The following NKAIN2 variants were observed in gnomAD, a reference collection of about 807,000 sequenced individuals.
NKAIN2 encodes the protein sodium/potassium-transporting ATPase subunit beta-1-interacting protein 2.
In NKAIN2, 14 loss-of-function variants were observed where a neutral mutation model predicts 32.6. That is an observed-to-expected ratio of 0.43 (90% CI 0.28 to 0.67). NKAIN2 has a LOEUF of 0.67. NKAIN2 is among the 30% of genes least tolerant of loss of function. The pLI, the probability that NKAIN2 is intolerant of heterozygous loss-of-function variation, is 0.17. For missense variants in NKAIN2, 198 were observed against 258.3 expected (o/e 0.77, Z 1.60); for synonymous variants, 80 against 87.2 (o/e 0.92, Z 0.46).
At chr6:124,811,649 A>G (rs1780908600) in intron 5 of NKAIN2, among the ~76,000 whole-genome samples, 1 of 152,182 alleles carries the variant, frequency 6.6e-6, no homozygotes, top group African/African-American at 2.4e-5. Flanking sequence ...CCCATAGGTC[A>G]ATAGATGTAA....
At chr6:124,302,255 G>A (rs1316391055) in intron 2 of NKAIN2, among the ~76,000 whole-genome samples, 1 of 152,222 alleles carries the variant, frequency 6.6e-6, no homozygotes, top group East Asian at 1.9e-4. Flanking sequence ...GAAACTGTGA[G>A]TCAGTTAAAC....
chr6:123,858,668 G>C (rs888453148), intron 1 of NKAIN2, among the ~76,000 whole-genome samples: 3 of 152,176 alleles, frequency 2.0e-5, no homozygotes, highest in African/African-American at 7.2e-5. Context: ...AGGTCAGACT[G>C]TGTGGATCAG....
intron 2 of NKAIN2, among the ~76,000 whole-genome samples, chr6:124,331,220 G>A (rs1023820192): frequency 1.3e-5 from 2 of 151,556 alleles, no homozygotes; most frequent in South Asian, 2.1e-4. Context: ...AACAAAAATC[G>A]GCCGGGCACA....
intron 1 of NKAIN2, among the ~76,000 whole-genome samples, chr6:124,057,722 G>A (rs1472092620): frequency 1.3e-5 from 2 of 151,504 alleles, no homozygotes. Flanking sequence ...AAACCATGAA[G>A]AATTGTGGCA....
chr6:124,086,608 T>C (rs1176711072), intron 1 of NKAIN2, among the ~76,000 whole-genome samples: 1 of 151,910 alleles, frequency 6.6e-6, no homozygotes, highest in Non-Finnish European at 1.5e-5. Context: ...ACACAATTGC[T>C]GGGCATCACT....
At chr6:124,628,344 A>C (rs1482602785) in intron 3 of NKAIN2, among the ~76,000 whole-genome samples, 3 of 152,150 alleles carry the variant, frequency 2.0e-5, no homozygotes, top group Admixed American at 6.6e-5. Flanking sequence ...TGTTTGACTA[A>C]ATATCAGACT....
At chr6:124,001,168 T>C (rs117098244) in intron 1 of NKAIN2, among the ~76,000 whole-genome samples, 1,914 of 152,226 alleles carry the variant, frequency 0.013, 20 homozygotes, top group Non-Finnish European at 0.018. Flanking sequence ...TTTTTATTTT[T>C]TTGCTTTTGG....
chr6:124,380,470 G>A (rs903059001), intron 3 of NKAIN2, among the ~76,000 whole-genome samples: 9 of 152,286 alleles, frequency 5.9e-5, no homozygotes, highest in South Asian at 2.1e-4. Context: ...TGATTTTTAA[G>A]AATTGAGTGT....
intron 1 of NKAIN2, among the ~76,000 whole-genome samples, chr6:124,262,497 A>G (rs1365406802): frequency 6.6e-6 from 1 of 152,214 alleles, no homozygotes; most frequent in Admixed American, 6.5e-5. Context: ...ACATTACAGG[A>G]AATGCACACC....
At chr6:124,146,669 T>TA (rs1787424547) in intron 1 of NKAIN2, among the ~76,000 whole-genome samples, 1 of 152,226 alleles carries the variant, frequency 6.6e-6, no homozygotes, top group African/African-American at 2.4e-5. Flanking sequence ...AGAATATTAT[T>TA]ATTCATTAGA....
At chr6:123,812,971 G>A (rs1562194876) in intron 1 of NKAIN2, among the ~76,000 whole-genome samples, 1 of 152,170 alleles carries the variant, frequency 6.6e-6, no homozygotes, top group African/African-American at 2.4e-5. Context: ...TCCTTTAACT[G>A]ACAGCTGTGT....
At chr6:124,792,198 T>C (rs1374654126) in intron 5 of NKAIN2, among the ~76,000 whole-genome samples, 1 of 152,164 alleles carries the variant, frequency 6.6e-6, no homozygotes, top group Non-Finnish European at 1.5e-5. Context: ...ATCATCTTTC[T>C]TGGTTTCAAA....
At chr6:124,514,583 A>T (rs1224294116) in intron 3 of NKAIN2, among the ~76,000 whole-genome samples, 1 of 152,056 alleles carries the variant, frequency 6.6e-6, no homozygotes, top group African/African-American at 2.4e-5. Flanking sequence ...GTATTTAGTT[A>T]TGCAACTTCA....
intron 1 of NKAIN2, among the ~76,000 whole-genome samples, chr6:124,082,212 A>C (rs949565854): frequency 6.6e-6 from 1 of 152,098 alleles, no homozygotes; most frequent in Non-Finnish European, 1.5e-5. Flanking sequence ...ACTGCATCTG[A>C]TGTTAGTAGT....
intron 1 of NKAIN2, among the ~76,000 whole-genome samples, chr6:124,216,778 G>C (rs1339765857): frequency 2.6e-5 from 4 of 151,974 alleles, no homozygotes; most frequent in Admixed American, 1.3e-4. Context: ...TGTATTTATT[G>C]GCAAATACAT....
intron 6 of NKAIN2, 50 bp downstream of exon 6, chr6:124,818,518 A>C (rs751846332): frequency 1.2e-6 from 1 of 807,368 alleles, no homozygotes; most frequent in Non-Finnish European, 2.0e-6. Context: ...AAGATAATCA[A>C]GTAACTGTAT....
At chr6:124,027,691 C>T (rs114604700) in intron 1 of NKAIN2, among the ~76,000 whole-genome samples, 1,901 of 151,368 alleles carry the variant, frequency 0.013, 34 homozygotes, top group African/African-American at 0.044. Context: ...TCTCTTTCAC[C>T]TCAACTGAAT....
Position 124,812,696 on chromosome 6 carries a change from T to C in NKAIN2, c.536-5691T>C, listed in dbSNP as rs74683825. Among the ~76,000 whole-genome samples the C allele has an allele frequency of 7.8e-3, 1,187 of 152,148 alleles. 15 individuals are homozygous for C. Among genetic ancestry groups the C allele is most frequent in the African/African-American group, 0.027 (1,140 of 41,508 alleles). On this transcript the variant is annotated intron_variant, in intron 5 of 6. Transcript: ENST00000368417. ...TACTACTTATAACTTAAATACTACA[T>C]TTCCAAAAGAAAGCCAAACACCAAC...
At chr6:124,657,191 A>C (rs1314439706) in intron 3 of NKAIN2, among the ~76,000 whole-genome samples, 2 of 152,244 alleles carry the variant, frequency 1.3e-5, no homozygotes, top group African/African-American at 4.8e-5. Context: ...TGCCTAGTCC[A>C]TCAGAACCTC....
Sources: allele counts gnomAD v4.1 joint callset (sites outside exome capture counted in the v4.1 genomes callset), GRCh38; gene constraint gnomAD v4.1.1; transcripts MANE v1.5; gene names NCBI Gene and HGNC (gene_info 2026-07-23, HGNC 2026-07-21).